Variants in SLC25A40 observed in about 807,000 individuals in gnomAD.
SLC25A40 encodes mitochondrial glutathione transporter SLC25A40.
SLC25A40 carries 41 observed loss-of-function variants against 46.5 expected under a neutral mutation model. The observed-to-expected ratio is 0.88, with a 90% CI of 0.69 to 1.14. SLC25A40 has a LOEUF of 1.14. SLC25A40 is among the 50% of genes most tolerant of loss of function. SLC25A40 has a pLI of 0.00. For missense variants in SLC25A40, 386 were observed against 393.6 expected (o/e 0.98, Z 0.16); for synonymous variants, 126 against 127.5 (o/e 0.99, Z 0.08).
intron 4 of SLC25A40, 92 bp from the exon 5 acceptor site, chr7:87,854,402 A>G: frequency 1.4e-6 from 1 of 725,282 alleles, no homozygotes; most frequent in South Asian, 1.8e-5. Flanking sequence ...TGAGGAAACT[A>G]GAAAATTACG....
At chr7:87,851,194 GATGA>G (rs1188057645) in intron 5 of SLC25A40, among the ~76,000 whole-genome samples, 5 of 152,118 alleles carry the variant, frequency 3.3e-5, no homozygotes, top group Non-Finnish European at 7.4e-5. Flanking sequence ...TCTATCAAAT[GATGA>G]ATGAATAAAT....
intron 9 of SLC25A40, among the ~76,000 whole-genome samples, chr7:87,842,510 T>G (rs904823087): frequency 1.3e-5 from 2 of 152,090 alleles, no homozygotes; most frequent in Non-Finnish European, 2.9e-5. Flanking sequence ...TTATATTTTA[T>G]TTCACCCCAA....
At position 87,855,818 on chromosome 7, in the gene SLC25A40, C is replaced by T. The variant is rs143075383; in HGVS notation, c.157+474G>A. Among the ~76,000 whole-genome samples the T allele has an allele frequency of 4.9e-3, 749 of 152,212 alleles. 7 individuals carry two copies. Among genetic ancestry groups the T allele is most frequent in the African/African-American group, 0.017 (717 of 41,538 alleles). ...TAAACCTATAAAATCTAAGGAATTG[C>T]GAATTTTGCCTATCTTATAAAAATA... is the stretch of plus-strand genomic sequence containing the variant. On this transcript the variant is annotated intron_variant, in intron 4 of 11. Coordinates refer to ENST00000341119, the MANE Select transcript of SLC25A40 (RefSeq NM_018843.4).
At chr7:87,869,911 C>T (rs1222210146) in intron 1 of SLC25A40, among the ~76,000 whole-genome samples, 1 of 152,092 alleles carries the variant, frequency 6.6e-6, no homozygotes, top group African/African-American at 2.4e-5. Context: ...TTTTACACAC[C>T]CACCAGCACT....
intron 5 of SLC25A40, 33 bp from the exon 6 acceptor site, chr7:87,849,981 T>C: frequency 7.2e-7 from 1 of 1,384,810 alleles, no homozygotes; most frequent in South Asian, 1.3e-5. Flanking sequence ...GTAATCAAAA[T>C]ATATCTTTAA....
In SLC25A40 at chr7:87,837,719, A is replaced by T. The variant is rs150323041; in HGVS notation, c.824-909T>A. Among the ~76,000 whole-genome samples, 3 of 151,364 alleles carry T rather than the reference A, an allele frequency of 2.0e-5. No individual in the cohort carries two copies. In the Admixed American group the frequency reaches 2.0e-4, roughly 10 times the overall value. On this transcript the variant is annotated intron_variant, in intron 10 of 11. Transcript: ENST00000341119. ...ACTACTAGATGCAATAAGATTAAAA[A>T]AAAGAATTCTAAGAACCAGGCACAC...
At chr7:87,838,667 T>C (rs966165452) in intron 10 of SLC25A40, among the ~76,000 whole-genome samples, 1 of 151,522 alleles carries the variant, frequency 6.6e-6, no homozygotes, top group African/African-American at 2.4e-5. Flanking sequence ...TTCTCATCTT[T>C]CTTTTTTCAT....
chr7:87,839,324 G>A (rs111338741), intron 10 of SLC25A40, among the ~76,000 whole-genome samples: 5,680 of 150,256 alleles, frequency 0.038, 151 homozygotes, highest in South Asian at 0.064. Context: ...ATTGAAATAC[G>A]GAAAAATATT....
At chr7:87,861,820 T>C (rs1188098426) in intron 1 of SLC25A40, among the ~76,000 whole-genome samples, 1 of 152,168 alleles carries the variant, frequency 6.6e-6, no homozygotes, top group Non-Finnish European at 1.5e-5. Context: ...GAAAACTTTA[T>C]TATATTTCTA....
rs1021430844 is a variant in SLC25A40 at position 87,853,865 on chromosome 7, G to A, written c.264+339C>T. On this transcript the variant is annotated intron_variant, in intron 5 of 11. Coordinates refer to ENST00000341119, the MANE Select transcript of SLC25A40 (RefSeq NM_018843.4). ...TGATAATGAAATTATTATTTTAATT[G>A]TATCAATCAATGTCAAAATCCTAGT... 2.6e-5 allele frequency among the ~76,000 whole-genome samples: 4 copies of A among 152,104 alleles called. No homozygotes were observed. In the South Asian group the frequency reaches 8.3e-4, roughly 31 times the overall value.
In SLC25A40 at chr7:87,849,922, A is replaced by G; in HGVS notation, c.291T>C (p.Asn97=). The change falls in exon 6 of 12, where the codon AAT becomes AAC. Residue 97 remains asparagine (N), a synonymous_variant. Coordinates refer to ENST00000341119, the MANE Select transcript of SLC25A40 (RefSeq NM_018843.4). The stretch of plus-strand genomic sequence containing the variant: ...CACTCCATAGAGATTTAATGCCCTC[A>G]TTTCGAATGATTTTAAAAAATGCAT... The part of the protein sequence containing the change: ...TLDAFFKIIR[N]EGIKSLWSGL... 3 of 1,600,258 alleles carry G rather than the reference A, an allele frequency of 1.9e-6. No individual in the cohort carries two copies. The highest frequency in any genetic ancestry group is 2.7e-5 in the African/African-American group (2 of 74,518).
At chr7:87,856,021 C>T (rs1014152668) in intron 4 of SLC25A40, among the ~76,000 whole-genome samples, 4 of 152,090 alleles carry the variant, frequency 2.6e-5, no homozygotes, top group Non-Finnish European at 4.4e-5. Flanking sequence ...AGGTCCCTCA[C>T]AAATATAATT....
At chr7:87,865,787 G>C (rs1337083140) in intron 1 of SLC25A40, among the ~76,000 whole-genome samples, 1 of 151,592 alleles carries the variant, frequency 6.6e-6, no homozygotes, top group Admixed American at 6.6e-5. Context: ...GAAAAAAAAA[G>C]AATATTCTTG....
At chr7:87,867,002 GTCTTTT>G (rs1024949873) in intron 1 of SLC25A40, among the ~76,000 whole-genome samples, 2 of 131,950 alleles carry the variant, frequency 1.5e-5, no homozygotes, top group Non-Finnish European at 3.3e-5. Context: ...CGCTTATTCT[GTCTTTT>G]TCTAACTCCT....
At position 87,854,299 on chromosome 7, in the gene SLC25A40, C is replaced by A. The variant is rs762070622; in HGVS notation, c.169G>T (p.Val57Leu). The change falls in exon 5 of 12, where the codon GTA becomes TTA. Residue 57 changes from valine to leucine, a missense_variant. Val to Leu is a conservative substitution (Grantham distance 32). Coordinates refer to ENST00000341119, the MANE Select transcript of SLC25A40 (RefSeq NM_018843.4). Reference protein sequence around the residue: ...NNPLPKGKCFVYSNGLMDHLC... With the variant: ...NNPLPKGKCFLYSNGLMDHLC... ...TGATCCATGAGTCCATTACTATATA[C>A]AAAACATTTTCCTAACAAAGAAGAT... 7 of 1,601,032 alleles carry A rather than the reference C, an allele frequency of 4.4e-6. No homozygotes were observed. Among genetic ancestry groups the A allele is most frequent in the Non-Finnish European group, 6.0e-6 (7 of 1,173,052 alleles).
At chr7:87,853,917 G>A (rs1035629312) in intron 5 of SLC25A40, among the ~76,000 whole-genome samples, 1 of 152,078 alleles carries the variant, frequency 6.6e-6, no homozygotes, top group Non-Finnish European at 1.5e-5. Flanking sequence ...TTGTAAGATG[G>A]TACCACTGGG....
At chr7:87,836,835 T>A in intron 10 of SLC25A40, 25 bp from the exon 11 acceptor site, 1 of 1,336,602 alleles carries the variant, frequency 7.5e-7, no homozygotes, top group Non-Finnish European at 1.0e-6. Flanking sequence ...AAAGAAATAA[T>A]GCTATTATAA....
At chr7:87,842,478 A>G (rs1838351371) in intron 9 of SLC25A40, among the ~76,000 whole-genome samples, 1 of 152,050 alleles carries the variant, frequency 6.6e-6, no homozygotes, top group African/African-American at 2.4e-5. Flanking sequence ...CAATATGGTC[A>G]TAAAATGTCC....
Position 87,833,573 on chromosome 7 carries a change from G to C in SLC25A40, c.*2676C>G, listed in dbSNP as rs1204486510. 6.6e-6 allele frequency: 1 copy of C among 151,826 alleles called. No individual in the cohort carries two copies. Among genetic ancestry groups the C allele is most frequent in the Non-Finnish European group, 1.5e-5 (1 of 67,948 alleles). 9.4% of individuals were successfully genotyped at this position (151,826 alleles called of 1,614,324 possible). A position where few individuals can be genotyped will look rare whatever the true frequency, so the allele number is the denominator to read the frequency against. On this transcript the variant is annotated 3_prime_UTR_variant, in exon 12 of 12. Transcript: ENST00000341119. ...AAATGTTGACAGATTAAATATAAAAGCAGTAATATCTTTTATTTAAAAAGT... is the reference window on the plus strand; with the variant it reads ...AAATGTTGACAGATTAAATATAAAACCAGTAATATCTTTTATTTAAAAAGT...
Sources: gnomAD v4.1 joint callset for allele counts (sites outside exome capture counted in the v4.1 genomes callset) on GRCh38, gnomAD v4.1.1 for gene constraint, MANE v1.5 for transcripts, NCBI Gene and HGNC (gene_info 2026-07-23, HGNC 2026-07-21) for gene names.